Variants in ADAMTS6 observed in about 807,000 individuals in gnomAD.
ADAMTS6 encodes ADAM metallopeptidase with thrombospondin type 1 motif 6, also known as A disintegrin and metalloproteinase with thrombospondin motifs 6.
A neutral mutation model predicts 144.3 loss-of-function variants in ADAMTS6; 23 were observed. The observed-to-expected ratio is 0.16, with a 90% CI of 0.11 to 0.23. ADAMTS6 has a LOEUF of 0.23. ADAMTS6 is among the 10% of genes least tolerant of loss of function. The pLI is 1.00. For missense variants in ADAMTS6, 999 were observed against 1,379.6 expected (o/e 0.72, Z 4.37); for synonymous variants, 444 against 457.5 (o/e 0.97, Z 0.38).
chr5:65,284,385 A>G (rs1763209508), intron 11 of ADAMTS6, among the ~76,000 whole-genome samples: 1 of 152,068 alleles, frequency 6.6e-6, no homozygotes, highest in Admixed American at 6.6e-5. Flanking sequence ...AAAATAATCT[A>G]TGCACTACCC....
At chr5:65,398,822 AAG>A (rs1224321726) in intron 7 of ADAMTS6, among the ~76,000 whole-genome samples, 1 of 149,164 alleles carries the variant, frequency 6.7e-6, no homozygotes. Context: ...GAAAGAAAGA[AAG>A]AAAGAAAGAA....
chr5:65,375,653 A>G (rs1751458682), intron 7 of ADAMTS6, among the ~76,000 whole-genome samples: 1 of 152,072 alleles, frequency 6.6e-6, no homozygotes, highest in South Asian at 2.1e-4. Flanking sequence ...ACACTTTTAC[A>G]CTGTTGGTGG....
chr5:65,347,343 A>T (rs1748422758), intron 7 of ADAMTS6, among the ~76,000 whole-genome samples: 1 of 152,058 alleles, frequency 6.6e-6, no homozygotes, highest in Admixed American at 6.6e-5. Flanking sequence ...CCAGAAATAA[A>T]TCTGTGCTTT....
At chr5:65,218,142 T>G (rs1442297434) in intron 18 of ADAMTS6, among the ~76,000 whole-genome samples, 1 of 152,086 alleles carries the variant, frequency 6.6e-6, no homozygotes, top group Non-Finnish European at 1.5e-5. Flanking sequence ...TGCATATGTA[T>G]AGGATAAAAT....
chr5:65,276,721 G>C (rs577772149), intron 11 of ADAMTS6, among the ~76,000 whole-genome samples: 96 of 152,272 alleles, frequency 6.3e-4, no homozygotes, highest in Non-Finnish European at 1.1e-3. Flanking sequence ...ATAGGTTCCA[G>C]GCTCTAATAA....
At position 65,235,009 on chromosome 5, in the gene ADAMTS6, C is replaced by A. The variant is rs367741234; in HGVS notation, c.1933+7095G>T. 7.2e-5 allele frequency among the ~76,000 whole-genome samples: 11 copies of A among 152,204 alleles called. 1 individual carries two copies. In the South Asian group the frequency reaches 2.3e-3, roughly 32 times the overall value. ...GCCAGATACAAATACTGTATGATCT[C>A]ACTTATATGTGGAATCTAAAAAAGT... On this transcript the variant is annotated intron_variant, in intron 15 of 24. Coordinates refer to ENST00000381055, the MANE Select transcript of ADAMTS6 (RefSeq NM_197941.4).
At chr5:65,362,796 C>G (rs1369740688) in intron 7 of ADAMTS6, among the ~76,000 whole-genome samples, 1 of 152,200 alleles carries the variant, frequency 6.6e-6, no homozygotes, top group African/African-American at 2.4e-5. Context: ...ACAATTTTCA[C>G]TCCAGTAGAG....
At chr5:65,274,451 T>A (rs1054420578) in intron 11 of ADAMTS6, among the ~76,000 whole-genome samples, 2 of 152,074 alleles carry the variant, frequency 1.3e-5, no homozygotes, top group African/African-American at 4.8e-5. Context: ...TCACATTTAA[T>A]CCTTTTGCTT....
intron 21 of ADAMTS6, among the ~76,000 whole-genome samples, chr5:65,195,245 A>G (rs1463750808): frequency 6.6e-6 from 1 of 152,228 alleles, no homozygotes; most frequent in East Asian, 1.9e-4. Flanking sequence ...CTCTTGAGAT[A>G]AATTTATAAA....
intron 2 of ADAMTS6, 88 bp downstream of exon 2, chr5:65,473,489 A>C: frequency 8.5e-7 from 1 of 1,181,740 alleles, no homozygotes; most frequent in South Asian, 1.3e-5. Flanking sequence ...TCCCAAAAAA[A>C]ACTATCCACC....
intron 21 of ADAMTS6, among the ~76,000 whole-genome samples, chr5:65,191,021 C>G (rs897825879): frequency 3.9e-5 from 6 of 152,104 alleles, no homozygotes; most frequent in African/African-American, 1.4e-4. Flanking sequence ...TCTCTGTCTT[C>G]TTTCCCTCCT....
At chr5:65,164,108 C>T (rs1453983781) in intron 24 of ADAMTS6, among the ~76,000 whole-genome samples, 2 of 152,058 alleles carry the variant, frequency 1.3e-5, no homozygotes, top group Non-Finnish European at 2.9e-5. Context: ...TCTGCATTTC[C>T]ATCTGAGGTA....
chr5:65,240,742 GAGAAATA>G (rs1485586114), intron 15 of ADAMTS6, among the ~76,000 whole-genome samples: 5 of 152,002 alleles, frequency 3.3e-5, no homozygotes, highest in Non-Finnish European at 7.4e-5. Flanking sequence ...CCCCAGTACC[GAGAAATA>G]AATTTCTATT....
chr5:65,415,916 TG>T, intron 7 of ADAMTS6: 1 of 188,326 alleles, frequency 5.3e-6, no homozygotes, highest in South Asian at 8.9e-5. Context: ...AGCTCTGTGC[TG>T]GTGACCTCAT....
At chr5:65,456,700 T>C (rs1301704802) in intron 4 of ADAMTS6, among the ~76,000 whole-genome samples, 2 of 152,158 alleles carry the variant, frequency 1.3e-5, no homozygotes, top group Non-Finnish European at 2.9e-5. Flanking sequence ...AAGTAGATAA[T>C]GAAGATATAG....
intron 7 of ADAMTS6, among the ~76,000 whole-genome samples, chr5:65,370,116 A>AT (rs1750710162): frequency 1.3e-5 from 2 of 152,192 alleles, no homozygotes; most frequent in African/African-American, 4.8e-5. Flanking sequence ...TCATTTAGAA[A>AT]GAAATAAAAG....
At chr5:65,263,359 C>T (rs1393037431) in intron 12 of ADAMTS6, among the ~76,000 whole-genome samples, 1 of 146,790 alleles carries the variant, frequency 6.8e-6, no homozygotes, top group Non-Finnish European at 1.5e-5. Flanking sequence ...GGAATGATAA[C>T]GCAATATGGA....
At chr5:65,407,173 C>T (rs922168509) in intron 7 of ADAMTS6, among the ~76,000 whole-genome samples, 1 of 152,030 alleles carries the variant, frequency 6.6e-6, no homozygotes, top group Non-Finnish European at 1.5e-5. Context: ...AACTCCAAGA[C>T]ACAAAATTGT....
chr5:65,180,858 A>G (rs1378531696), intron 22 of ADAMTS6, among the ~76,000 whole-genome samples: 4 of 152,186 alleles, frequency 2.6e-5, no homozygotes, highest in Non-Finnish European at 2.9e-5. Context: ...AATATTCTCC[A>G]GTGCTAGCCC....
Sources: allele counts gnomAD v4.1 joint callset (sites outside exome capture counted in the v4.1 genomes callset), GRCh38; gene constraint gnomAD v4.1.1; transcripts MANE v1.5; gene names NCBI Gene and HGNC (gene_info 2026-07-23, HGNC 2026-07-21).